Variants in ANO2 observed in about 807,000 individuals in gnomAD.
The protein encoded by ANO2 is anoctamin-2.
ANO2 carries 101 observed loss-of-function variants against 124.2 expected under a neutral mutation model. The observed-to-expected ratio is 0.81, with a 90% CI of 0.69 to 0.96. ANO2 has a LOEUF of 0.96. ANO2 is among the 40% of genes least tolerant of loss of function. The pLI, the probability that ANO2 is intolerant of heterozygous loss-of-function variation, is 0.00. For synonymous variants in ANO2, 486 were observed against 482.5 expected, an observed-to-expected ratio of 1.01 and a Z score of -0.09; for missense variants, 1,293 against 1,274.5, an observed-to-expected ratio of 1.01 and a Z score of -0.22.
At chr12:5,928,140 C>T (rs1481566525) in intron 1 of ANO2, among the ~76,000 whole-genome samples, 13 of 148,788 alleles carry the variant, frequency 8.7e-5, no homozygotes, top group Non-Finnish European at 1.7e-4. Flanking sequence ...CCAAGAGAGA[C>T]CAGCAGCAGG....
intron 14 of ANO2, among the ~76,000 whole-genome samples, chr12:5,675,238 T>C (rs1222096234): frequency 3.9e-5 from 6 of 152,204 alleles, no homozygotes; most frequent in Admixed American, 6.5e-5. Flanking sequence ...CATATCCTAT[T>C]TGTCCTTGTA....
Position 5,811,678 on chromosome 12 carries a change from C to CA in ANO2, c.893-4311dup, listed in dbSNP as rs1398315271. On this transcript the variant is annotated intron_variant, in intron 7 of 24. Coordinates refer to ENST00000682330, the MANE Select transcript of ANO2 (RefSeq NM_001364791.2). ...ATGAGGCTTGAGTTTCTTTCCATGG[C>CA]AAAGTGCACTAAAAAGTTATTCAAT... 2.0e-5 allele frequency among the ~76,000 whole-genome samples: 3 copies of CA among 152,302 alleles called. No homozygotes were observed. The East Asian group carries it at 5.8e-4, about 29-fold the overall frequency.
intron 23 of ANO2, 31 bp downstream of exon 23, chr12:5,575,803 T>C: frequency 1.2e-6 from 2 of 1,604,672 alleles, no homozygotes; most frequent in Non-Finnish European, 1.7e-6. Flanking sequence ...CTTCTGGTCC[T>C]CTGCTGCCCT....
chr12:5,563,705 C>T (rs1941584474), intron 24 of ANO2, 137 bp from the exon 25 acceptor site: 1 of 1,175,676 alleles, frequency 8.5e-7, no homozygotes, highest in East Asian at 2.4e-5. Context: ...GTGAGCATAA[C>T]TCTACCTTGG....
intron 23 of ANO2, among the ~76,000 whole-genome samples, chr12:5,575,512 G>A (rs1434459505): frequency 2.0e-5 from 3 of 152,106 alleles, no homozygotes; most frequent in Non-Finnish European, 4.4e-5. Context: ...AAATCTAGAT[G>A]CTATATAGCC....
At chr12:5,699,569 C>T (rs1305242274) in intron 14 of ANO2, among the ~76,000 whole-genome samples, 1 of 151,874 alleles carries the variant, frequency 6.6e-6, no homozygotes, top group Non-Finnish European at 1.5e-5. Context: ...ATCATAATGA[C>T]AGGATCAAAT....
intron 14 of ANO2, among the ~76,000 whole-genome samples, chr12:5,700,031 T>C (rs1324272387): frequency 6.6e-6 from 1 of 152,112 alleles, no homozygotes; most frequent in African/African-American, 2.4e-5. Context: ...GACAGATCAA[T>C]GAGACAGAAA....
At chr12:5,914,166 C>T (rs1387482751) in intron 3 of ANO2, among the ~76,000 whole-genome samples, 1 of 151,682 alleles carries the variant, frequency 6.6e-6, no homozygotes, top group Non-Finnish European at 1.5e-5. Flanking sequence ...CGCTACTGCA[C>T]TCCAGCCTAG....
At chr12:5,893,115 G>T (rs4764493) in intron 3 of ANO2, among the ~76,000 whole-genome samples, 151,475 of 152,296 alleles carry the variant, frequency 0.99, 75,333 homozygotes, top group Middle Eastern at 1. Flanking sequence ...ATCAAAGACT[G>T]AAATCTAAGA....
intron 10 of ANO2, among the ~76,000 whole-genome samples, chr12:5,751,796 T>C (rs974082518): frequency 4.6e-5 from 7 of 152,248 alleles, no homozygotes; most frequent in African/African-American, 1.7e-4. Context: ...TCATTAACTA[T>C]AGGCTCTATA....
intron 3 of ANO2, among the ~76,000 whole-genome samples, chr12:5,918,456 T>C (rs77101662): frequency 2.0e-5 from 3 of 149,986 alleles, no homozygotes; most frequent in African/African-American, 7.5e-5. Context: ...TTTTTTTTTT[T>C]TGAGACAGAG....
At chr12:5,814,230 C>T (rs1028010944) in intron 7 of ANO2, among the ~76,000 whole-genome samples, 2 of 152,220 alleles carry the variant, frequency 1.3e-5, no homozygotes, top group African/African-American at 2.4e-5. Context: ...CAGGTTACAA[C>T]GCCGTCCCTG....
chr12:5,812,533 G>C, intron 7 of ANO2, among the ~76,000 whole-genome samples: 1 of 113,688 alleles, frequency 8.8e-6, no homozygotes, highest in Non-Finnish European at 1.8e-5. Flanking sequence ...AGGGAGGGAG[G>C]GCAGGCAGGC....
chr12:5,913,448 C>T (rs972221737), intron 3 of ANO2, among the ~76,000 whole-genome samples: 3 of 152,224 alleles, frequency 2.0e-5, no homozygotes, highest in East Asian at 1.9e-4. Flanking sequence ...CCTGGCGCCA[C>T]ACGCTCCTTC....
intron 14 of ANO2, among the ~76,000 whole-genome samples, chr12:5,652,569 C>T (rs1946964822): frequency 6.6e-6 from 1 of 151,838 alleles, no homozygotes; most frequent in African/African-American, 2.4e-5. Flanking sequence ...CCTTAGACTC[C>T]TCGAAGCTGT....
At chr12:5,688,504 G>A (rs941352445) in intron 14 of ANO2, among the ~76,000 whole-genome samples, 3 of 152,140 alleles carry the variant, frequency 2.0e-5, no homozygotes, top group Non-Finnish European at 4.4e-5. Context: ...TTTGACTCTT[G>A]TACTCCCTTA....
At chr12:5,924,330 C>T (rs987917235) in intron 1 of ANO2, among the ~76,000 whole-genome samples, 1 of 152,334 alleles carries the variant, frequency 6.6e-6, no homozygotes, top group African/African-American at 2.4e-5. Context: ...CAACTGTGAC[C>T]AGCAGAGGAA....
intron 15 of ANO2, among the ~76,000 whole-genome samples, chr12:5,644,037 AT>A (rs1285162516): frequency 6.6e-6 from 1 of 152,184 alleles, no homozygotes; most frequent in Non-Finnish European, 1.5e-5. Context: ...ATATAGTCAA[AT>A]TTACCAGCAT....
chr12:5,687,184 C>A (rs1948743352), intron 14 of ANO2, among the ~76,000 whole-genome samples: 1 of 152,236 alleles, frequency 6.6e-6, no homozygotes, highest in African/African-American at 2.4e-5. Context: ...AATGATCGGA[C>A]AAGGCGCTGC....
Sources: gnomAD v4.1 joint callset for allele counts (sites outside exome capture counted in the v4.1 genomes callset) on GRCh38, gnomAD v4.1.1 for gene constraint, MANE v1.5 for transcripts, NCBI Gene and HGNC (gene_info 2026-07-23, HGNC 2026-07-21) for gene names.